Variants in ANKRD44 observed in about 807,000 individuals in gnomAD.
ANKRD44 encodes the protein ankyrin repeat domain 44.
In ANKRD44, 35 loss-of-function variants were observed where a neutral mutation model predicts 116.0. The observed-to-expected ratio is 0.30, with a 90% CI of 0.23 to 0.40. The LOEUF is 0.40. Ranked by LOEUF, ANKRD44 falls within the 10% of genes least tolerant of loss-of-function variation. ANKRD44 has a pLI of 1.00. For synonymous variants in ANKRD44, 435 were observed against 461.8 expected (o/e 0.94, Z 0.74); for missense variants, 1,014 against 1,242.6 (o/e 0.82, Z 2.77).
At chr2:197,146,348 G>C (rs148574877) in intron 3 of ANKRD44, among the ~76,000 whole-genome samples, 1 of 152,028 alleles carries the variant, frequency 6.6e-6, no homozygotes, top group Non-Finnish European at 1.5e-5. Context: ...TGCCTTCCAT[G>C]TTTTTATGCT....
chr2:197,034,453 C>T (rs2076770706), intron 16 of ANKRD44, among the ~76,000 whole-genome samples: 1 of 149,384 alleles, frequency 6.7e-6, no homozygotes, highest in Admixed American at 6.8e-5. Context: ...ATTCATAAAT[C>T]CAACGTGCAT....
chr2:197,013,514 A>C lies in ANKRD44; in HGVS notation c.1921T>G (p.Ser641Ala), dbSNP rs375716294. 2 of 1,614,208 alleles carry C rather than the reference A, an allele frequency of 1.2e-6. No homozygotes were observed. Among genetic ancestry groups the C allele is most frequent in the East Asian group, 2.2e-5 (1 of 44,888 alleles). ...TCAGGCCCTTGACAAGACCTACCTG[A>C]GGCATGAAGTGGGGTTCTTTTGGTT... ...NVTKRTPLHASVINGHTLCLR... is the reference protein window; with the variant it reads ...NVTKRTPLHAAVINGHTLCLR... Residue 641 changes from serine (S) to alanine (A), a missense_variant, in exon 18 of 28, where the codon TCA (serine) becomes GCA (alanine). Coordinates refer to ENST00000282272, the MANE Select transcript of ANKRD44 (RefSeq NM_001195144.2).
chr2:197,264,822 C>T (rs947675166), intron 1 of ANKRD44, among the ~76,000 whole-genome samples: 11 of 152,168 alleles, frequency 7.2e-5, no homozygotes, highest in African/African-American at 2.4e-4. Flanking sequence ...GAAATCAAAA[C>T]CCATGACTCT....
intron 1 of ANKRD44, among the ~76,000 whole-genome samples, chr2:197,254,628 CACAT>C (rs1054631325): frequency 4.5e-5 from 6 of 134,752 alleles, no homozygotes; most frequent in Non-Finnish European, 6.6e-5. Context: ...CACACACACA[CACAT>C]ATATATATTT....
intron 16 of ANKRD44, chr2:197,028,830 A>G: frequency 4.9e-6 from 1 of 204,264 alleles, no homozygotes; most frequent in Non-Finnish European, 9.7e-6. Context: ...GCTTCTTAAC[A>G]CCAACTGTCA....
intron 1 of ANKRD44, among the ~76,000 whole-genome samples, chr2:197,240,221 G>A (rs1293152909): frequency 1.3e-5 from 2 of 151,546 alleles, no homozygotes; most frequent in South Asian, 4.2e-4. Context: ...CTAAAAATAC[G>A]AAAATGAGCT....
In ANKRD44 at chr2:197,125,778, C is replaced by T. The variant is rs141449901; in HGVS notation, c.462+59G>A. On this transcript the variant is annotated intron_variant, in intron 5 of 27. Coordinates refer to ENST00000282272, the MANE Select transcript of ANKRD44 (RefSeq NM_001195144.2). Reference sequence around the variant, plus strand: ...AAATCTCAGCAAGAAGATCAGTTTCCACTTGTGGCTGAAAGTCCTGGAGGG... The same window carrying T: ...AAATCTCAGCAAGAAGATCAGTTTCTACTTGTGGCTGAAAGTCCTGGAGGG... 645 of 1,538,470 alleles carry T rather than the reference C, an allele frequency of 4.2e-4. 2 individuals are homozygous for T. In the African/African-American group the frequency reaches 6.9e-3, roughly 16 times the overall value.
At chr2:197,171,670 T>C (rs922473238) in intron 2 of ANKRD44, among the ~76,000 whole-genome samples, 1 of 152,176 alleles carries the variant, frequency 6.6e-6, no homozygotes, top group South Asian at 2.1e-4. Flanking sequence ...AGAATTCTCA[T>C]GTAAACTATG....
chr2:197,300,438 T>C (rs2083867374), intron 1 of ANKRD44, among the ~76,000 whole-genome samples: 1 of 152,154 alleles, frequency 6.6e-6, no homozygotes, highest in Non-Finnish European at 1.5e-5. Context: ...ACTTTGCCCA[T>C]CTCTGGACTC....
chr2:196,988,138 A>T lies in ANKRD44; in HGVS notation c.*1453T>A, dbSNP rs896778509. 1 of 985,292 alleles carries T rather than the reference A, an allele frequency of 1.0e-6. No homozygotes were observed. Among genetic ancestry groups the T allele is most frequent in the Admixed American group, 6.1e-5 (1 of 16,266 alleles). The allele number at this position is 985,292 out of a possible 1,614,324, so 61.0% of individuals were successfully genotyped here. On this transcript the variant is annotated 3_prime_UTR_variant, in exon 28 of 28. Coordinates refer to ENST00000282272, the MANE Select transcript of ANKRD44 (RefSeq NM_001195144.2). ...CATGGTGAGTCACTGCTTTGCTGAAATGATTCTTGTACTCTCTGCTACACG... is the reference window on the plus strand; with the variant it reads ...CATGGTGAGTCACTGCTTTGCTGAATTGATTCTTGTACTCTCTGCTACACG...
At chr2:197,182,667 C>T (rs1559130600) in intron 2 of ANKRD44, among the ~76,000 whole-genome samples, 1 of 118,208 alleles carries the variant, frequency 8.5e-6, no homozygotes, top group Non-Finnish European at 2.0e-5. Context: ...ACACTACAAT[C>T]TGCACATATT....
chr2:197,081,381 G>A (rs532291738), intron 15 of ANKRD44, among the ~76,000 whole-genome samples: 12 of 152,284 alleles, frequency 7.9e-5, no homozygotes, highest in South Asian at 4.1e-4. Flanking sequence ...ATGATATTTA[G>A]GACACCAGGT....
At chr2:197,027,915 C>T (rs2076628237) in intron 16 of ANKRD44, among the ~76,000 whole-genome samples, 1 of 151,934 alleles carries the variant, frequency 6.6e-6, no homozygotes, top group Non-Finnish European at 1.5e-5. Flanking sequence ...GTCTCAAACT[C>T]TTGGGCTCAA....
intron 16 of ANKRD44, among the ~76,000 whole-genome samples, chr2:197,070,203 T>G (rs1383885926): frequency 6.6e-6 from 1 of 152,166 alleles, no homozygotes; most frequent in African/African-American, 2.4e-5. Flanking sequence ...CAGTTTTGTT[T>G]ATTCCTTTCT....
intron 3 of ANKRD44, among the ~76,000 whole-genome samples, chr2:197,139,509 TA>T (rs999291899): frequency 6.6e-6 from 1 of 152,098 alleles, no homozygotes; most frequent in African/African-American, 2.4e-5. Context: ...CTAAGGAGTA[TA>T]AATACTAATT....
chr2:197,233,173 A>C (rs1472709772), intron 1 of ANKRD44, among the ~76,000 whole-genome samples: 3 of 152,198 alleles, frequency 2.0e-5, no homozygotes, highest in African/African-American at 7.2e-5. Context: ...TAATAGTTCT[A>C]TAACTCTATT....
intron 16 of ANKRD44, among the ~76,000 whole-genome samples, chr2:197,077,294 CAT>C (rs773549088): frequency 1.2e-4 from 19 of 152,258 alleles, no homozygotes; most frequent in Non-Finnish European, 1.8e-4. Context: ...TATGGCCACA[CAT>C]ATGTTTTCTT....
chr2:197,056,819 A>C (rs2077212475), intron 16 of ANKRD44, among the ~76,000 whole-genome samples: 1 of 152,210 alleles, frequency 6.6e-6, no homozygotes, highest in Non-Finnish European at 1.5e-5. Flanking sequence ...TAAGATATGA[A>C]GTAGAAGGAA....
intron 15 of ANKRD44, 123 bp from the exon 16 acceptor site, chr2:197,078,937 T>G: frequency 1.1e-6 from 1 of 951,992 alleles, no homozygotes; most frequent in East Asian, 3.3e-5. Context: ...TCTTTAAAAA[T>G]CCTACAGCAA....
Sources: allele counts gnomAD v4.1 joint callset (sites outside exome capture counted in the v4.1 genomes callset), GRCh38; gene constraint gnomAD v4.1.1; transcripts MANE v1.5; gene names NCBI Gene and HGNC (gene_info 2026-07-23, HGNC 2026-07-21).